Variants in DSG1 observed in about 807,000 individuals in gnomAD.
The protein encoded by DSG1 is desmoglein-1.
A neutral mutation model predicts 97.5 loss-of-function variants in DSG1; 39 were observed. That is an observed-to-expected ratio of 0.40 (90% CI 0.31 to 0.52). DSG1 has a LOEUF of 0.52. Among genes scored for constraint, DSG1 ranks in the 20% least tolerant of loss-of-function variants. The probability of loss-of-function intolerance (pLI) is 0.53; values close to 1 mark genes in which losing one functional copy is unlikely to be tolerated. For missense variants in DSG1, 1,311 were observed against 1,295.4 expected, an observed-to-expected ratio of 1.01 and a Z score of -0.18; for synonymous variants, 475 against 443.4, an observed-to-expected ratio of 1.07 and a Z score of -0.90.
chr18:31,338,367 G>A lies in DSG1; in HGVS notation c.1318G>A (p.Gly440Ser), dbSNP rs1030342250. ...ADLLAVDSRT[G>S]KLTLKNKVTK... ...CCTGCTAGCTGTTGATTCAAGAACA[G>A]GCAAACTCACTTTGAAAAATAAAGT... The change falls in exon 10 of 15, where the codon GGC becomes AGC. Residue 440 changes from glycine to serine, a missense_variant. Gly to Ser is a moderately conservative substitution (Grantham distance 56). This residue lies in a region of DSG1 where 1,038 missense variants were observed against 964.6 expected (regional missense o/e 1.08). Transcript: ENST00000257192. The A allele has an allele frequency of 6.2e-7, 1 of 1,613,654 alleles. No homozygotes were observed. The highest frequency in any genetic ancestry group is 1.3e-5 in the African/African-American group (1 of 74,894).
At chr18:31,335,975 C>T (rs2162273) in intron 8 of DSG1, among the ~76,000 whole-genome samples, 62,663 of 151,466 alleles carry the variant, frequency 0.41, 14,163 homozygotes, top group Non-Finnish European at 0.5. Flanking sequence ...TTGACCCATA[C>T]TGTGTAATAA....
chr18:31,328,436 T>A, intron 4 of DSG1, 92 bp downstream of exon 4: 1 of 1,361,014 alleles, frequency 7.3e-7, no homozygotes, highest in Non-Finnish European at 1.0e-6. Context: ...ATTTCAAGAG[T>A]CTCAATATTT....
intron 8 of DSG1, 134 bp downstream of exon 8, chr18:31,334,336 A>G: frequency 1.6e-6 from 1 of 613,566 alleles, no homozygotes; most frequent in Non-Finnish European, 2.8e-6. Flanking sequence ...TTAAATATAT[A>G]TATAACATAG....
chr18:31,319,574 G>C (rs963856910), intron 1 of DSG1, among the ~76,000 whole-genome samples: 1 of 152,060 alleles, frequency 6.6e-6, no homozygotes, highest in African/African-American at 2.4e-5. Context: ...ATTTGGTAGG[G>C]ATCACTGATC....
chr18:31,322,731 A>T (rs532412882), intron 1 of DSG1, among the ~76,000 whole-genome samples: 1 of 152,360 alleles, frequency 6.6e-6, no homozygotes, highest in Non-Finnish European at 1.5e-5. Flanking sequence ...GCTTAACAAA[A>T]ACGTAACAAT....
At chr18:31,347,267 T>C (rs1167148833) in intron 14 of DSG1, among the ~76,000 whole-genome samples, 1 of 152,190 alleles carries the variant, frequency 6.6e-6, no homozygotes, top group Non-Finnish European at 1.5e-5. Flanking sequence ...CAAAATATTT[T>C]GTTATATTTT....
intron 9 of DSG1, among the ~76,000 whole-genome samples, chr18:31,337,898 G>C (rs1035185287): frequency 6.6e-6 from 1 of 150,770 alleles, no homozygotes; most frequent in African/African-American, 2.5e-5. Context: ...GCAGAAACAG[G>C]GGGGAAGTTC....
In DSG1 at chr18:31,337,738, C is replaced by T. The variant is rs2071764469; in HGVS notation, c.1266-577C>T. 2.0e-5 allele frequency among the ~76,000 whole-genome samples: 3 copies of T among 152,118 alleles called. No homozygotes were observed. The South Asian group carries it at 6.2e-4, about 32-fold the overall frequency. On this transcript the variant is annotated intron_variant, in intron 9 of 14. Transcript: ENST00000257192. Reference sequence around the variant, plus strand: ...TGCCAGAGAGAGAGAGAGAGAATTACCTAACCAGTGTTTGTTTCACAAATA... The same window carrying T: ...TGCCAGAGAGAGAGAGAGAGAATTATCTAACCAGTGTTTGTTTCACAAATA...
Position 31,318,352 on chromosome 18 carries a change from A to C in DSG1, c.48+4A>C. 2 of 1,612,388 alleles carry C rather than the reference A, an allele frequency of 1.2e-6. No homozygotes were observed. The highest frequency in any genetic ancestry group is 1.7e-6 in the Non-Finnish European group (2 of 1,178,382). ...TGCAATGCTGTTCATTTTTCTGGTG[A>C]GTGGATTCTGGTAAAAGTCCTTCAT... is the stretch of plus-strand genomic sequence containing the variant. On this transcript the variant is annotated splice_donor_region_variant and intron_variant, in intron 1 of 14. Transcript: ENST00000257192.
intron 10 of DSG1, among the ~76,000 whole-genome samples, chr18:31,338,972 T>C (rs74893155): frequency 0.014 from 2,118 of 152,208 alleles, 19 homozygotes; most frequent in Middle Eastern, 0.024. Context: ...GATTCTAGGG[T>C]TACATCGATT....
rs369684060 is a variant in DSG1, at chr18:31,326,456, C to G, written c.49-125C>G. The G allele has an allele frequency of 5.3e-6, 4 of 752,246 alleles. No individual in the cohort carries two copies. In the African/African-American group the frequency reaches 5.3e-5, roughly 10 times the overall value. The allele number at this position is 752,246 out of a possible 1,614,324, so 46.6% of individuals were successfully genotyped here. On this transcript the variant is annotated intron_variant, in intron 1 of 14. Coordinates refer to ENST00000257192, the MANE Select transcript of DSG1 (RefSeq NM_001942.4). ...TAAACCAAATCCACCTGCTATTTGG[C>G]TGATAAAATAATTTTAATGACTCAC...
chr18:31,346,189 C>T lies in DSG1; in HGVS notation c.2091C>T (p.Tyr697=), dbSNP rs1361291117. The T allele has an allele frequency of 6.2e-7, 1 of 1,613,446 alleles. No individual in the cohort carries two copies. Among genetic ancestry groups the T allele is most frequent in the Admixed American group, 1.7e-5 (1 of 59,988 alleles). The change falls in exon 14 of 15, where the codon TAC becomes TAT. Residue 697 remains tyrosine (Y), a synonymous_variant. Coordinates refer to ENST00000257192, the MANE Select transcript of DSG1 (RefSeq NM_001942.4). ...TGAATATGAATTTCATGGAAAGCTACTTCTGTCAGGTAAGGTCCCTAGCCA... is the reference window on the plus strand; with the variant it reads ...TGAATATGAATTTCATGGAAAGCTATTTCTGTCAGGTAAGGTCCCTAGCCA... ...GGLNMNFMES[Y]FCQKAYAYAD... is the part of the protein sequence containing the mutation.
At chr18:31,346,301 T>C in intron 14 of DSG1, 103 bp downstream of exon 14, 2 of 948,998 alleles carry the variant, frequency 2.1e-6, no homozygotes, top group South Asian at 2.7e-5. Flanking sequence ...GTCTCCTAAC[T>C]AGATTCTCAG....
At chr18:31,325,371 C>G (rs11663676) in intron 1 of DSG1, among the ~76,000 whole-genome samples, 62,891 of 152,058 alleles carry the variant, frequency 0.41, 14,255 homozygotes, top group Non-Finnish European at 0.5. Context: ...GATAACAGAT[C>G]CATGCACAAT....
rs781233898 is a variant in DSG1, at chr18:31,331,669, C to T, written c.518-32C>T. The stretch of plus-strand genomic sequence containing the variant: ...TCTACTGTAACAAAAATGTAAATCA[C>T]CCATTTGCAATCAATTTTCCTTAAT... On this transcript the variant is annotated intron_variant, in intron 5 of 14. Coordinates refer to ENST00000257192, the MANE Select transcript of DSG1 (RefSeq NM_001942.4). The T allele has an allele frequency of 1.9e-6, 3 of 1,603,368 alleles. No homozygotes were observed. In the Admixed American group the frequency reaches 5.0e-5, roughly 27 times the overall value.
At position 31,354,467 on chromosome 18, in the gene DSG1, G is replaced by A; in HGVS notation, c.2271G>A (p.Lys757=). The A allele has an allele frequency of 6.2e-7, 1 of 1,614,156 alleles. No homozygotes were observed. The highest frequency in any genetic ancestry group is 8.5e-7 in the Non-Finnish European group (1 of 1,180,020). The part of the protein sequence containing the change: ...FLDTLGPKFK[K]LADISLGKES... ...ATACCCTGGGACCTAAATTTAAGAA[G>A]TTGGCAGACATCAGCCTAGGAAAAG... Residue 757 remains lysine, a synonymous_variant, in exon 15 of 15, where the codon AAG becomes AAA. Coordinates refer to ENST00000257192, the MANE Select transcript of DSG1 (RefSeq NM_001942.4).
chr18:31,353,541 G>T lies in DSG1; in HGVS notation c.2101-756G>T, dbSNP rs566250097. On this transcript the variant is annotated intron_variant, in intron 14 of 14. Coordinates refer to ENST00000257192, the MANE Select transcript of DSG1 (RefSeq NM_001942.4). Reference sequence around the variant, plus strand: ...CTGCTTTGTTTACCTAATCAAGCCTGGGCAATGGCGGGCGCCCCTCCCCCA... The same window carrying T: ...CTGCTTTGTTTACCTAATCAAGCCTTGGCAATGGCGGGCGCCCCTCCCCCA... Among the ~76,000 whole-genome samples, 461 of 152,340 alleles carry T rather than the reference G, an allele frequency of 3.0e-3. 2 individuals carry two copies. Among genetic ancestry groups the T allele is most frequent in the African/African-American group, 0.011 (443 of 41,570 alleles).
At chr18:31,340,068 A>T (rs534030582) in intron 11 of DSG1, 43 bp downstream of exon 11, 3 of 1,577,444 alleles carry the variant, frequency 1.9e-6, no homozygotes, top group African/African-American at 1.4e-5. Flanking sequence ...CCCCCAAAAA[A>T]TGCTGGGGGA....
chr18:31,345,917 T>G, intron 13 of DSG1, 73 bp from the exon 14 acceptor site: 1 of 1,220,110 alleles, frequency 8.2e-7, no homozygotes, highest in Non-Finnish European at 1.2e-6. Context: ...AATCACATAT[T>G]ACAAGGCAAG....
Sources: allele counts gnomAD v4.1 joint callset (sites outside exome capture counted in the v4.1 genomes callset), GRCh38; gene constraint gnomAD v4.1.1; regional missense constraint gnomAD v4.1.1; transcripts MANE v1.5; gene names NCBI Gene and HGNC (gene_info 2026-07-23, HGNC 2026-07-21).